Variants in CYSLTR2 observed in about 807,000 individuals in gnomAD.
CYSLTR2 encodes cysteinyl leukotriene receptor 2.
For missense variants in CYSLTR2, 398 were observed against 411.9 expected (o/e 0.97, Z 0.29); for synonymous variants, 179 against 160.8 (o/e 1.11, Z -0.86).
At chr13:48,664,030 C>T (rs886378867) in intron 1 of CYSLTR2, among the ~76,000 whole-genome samples, 22 of 152,110 alleles carry the variant, frequency 1.4e-4, no homozygotes, top group Non-Finnish European at 2.9e-4. Flanking sequence ...AAGTTTCTAT[C>T]ATGAAGTGAG....
At chr13:48,701,957 C>A (rs577587596) in intron 4 of CYSLTR2, among the ~76,000 whole-genome samples, 3 of 152,082 alleles carry the variant, frequency 2.0e-5, no homozygotes, top group African/African-American at 7.2e-5. Context: ...GAGACACATG[C>A]ACACGTATGT....
chr13:48,659,548 G>C (rs1280069987), intron 1 of CYSLTR2, among the ~76,000 whole-genome samples: 1 of 152,164 alleles, frequency 6.6e-6, no homozygotes, highest in Non-Finnish European at 1.5e-5. Context: ...TGCTGTCTAG[G>C]GGAAATGAGA....
At chr13:48,669,720 A>G (rs992859470) in intron 1 of CYSLTR2, among the ~76,000 whole-genome samples, 1 of 152,146 alleles carries the variant, frequency 6.6e-6, no homozygotes, top group Non-Finnish European at 1.5e-5. Flanking sequence ...GCTATTGTGA[A>G]TAAGCTGCAA....
intron 1 of CYSLTR2, among the ~76,000 whole-genome samples, chr13:48,664,517 A>C (rs1436889321): frequency 6.6e-6 from 1 of 151,846 alleles, no homozygotes; most frequent in Non-Finnish European, 1.5e-5. Context: ...TTTTTGGCTT[A>C]TCCAGGTTCT....
chr13:48,693,103 T>C (rs1201031491), intron 2 of CYSLTR2, among the ~76,000 whole-genome samples: 2 of 151,632 alleles, frequency 1.3e-5, no homozygotes, highest in African/African-American at 2.4e-5. Flanking sequence ...TTTAGTTTAA[T>C]ACAATTTTAT....
chr13:48,709,766 G>A lies in CYSLTR2; in HGVS notation c.*1908G>A, dbSNP rs1204852038. Reference sequence around the variant, plus strand: ...AATAAGAGATTAAACCAAGATAGAGGAAAACACAGTAGCTGGGAAACAAGG... The same window carrying A: ...AATAAGAGATTAAACCAAGATAGAGAAAAACACAGTAGCTGGGAAACAAGG... On this transcript the variant is annotated 3_prime_UTR_variant, in exon 5 of 5. Transcript: ENST00000682523. 1.3e-5 allele frequency: 2 copies of A among 152,164 alleles called. No homozygotes were observed. The highest frequency in any genetic ancestry group is 2.9e-5 in the Non-Finnish European group (2 of 68,022). The allele number at this position is 152,164 out of a possible 1,614,324, so 9.4% of individuals were successfully genotyped here. A position where few individuals can be genotyped will look rare whatever the true frequency, so the allele number is the denominator to read the frequency against.
chr13:48,703,302 T>C (rs2138994189), intron 4 of CYSLTR2, among the ~76,000 whole-genome samples: 1 of 152,312 alleles, frequency 6.6e-6, no homozygotes, highest in Non-Finnish European at 1.5e-5. Flanking sequence ...ATGATATTTA[T>C]TTCCTTTTTG....
chr13:48,707,740 C>T lies in CYSLTR2; in HGVS notation c.923C>T (p.Ala308Val), dbSNP rs751133878. ...ACFNPLLYYF[A>V]GENFKDRLKS... ...TTCAATCCTCTGCTCTATTACTTTG[C>T]TGGGGAGAATTTTAAGGACAGACTA... The change falls in exon 5 of 5, where the codon GCT becomes GTT. Residue 308 changes from alanine (A) to valine (V), a missense_variant. Coordinates refer to ENST00000682523, the MANE Select transcript of CYSLTR2 (RefSeq NM_001308476.3). 8.1e-6 allele frequency: 13 copies of T among 1,607,674 alleles called. No homozygotes were observed. The African/African-American group carries it at 1.6e-4, about 20-fold the overall frequency.
intron 1 of CYSLTR2, among the ~76,000 whole-genome samples, chr13:48,675,576 G>C (rs1276982615): frequency 6.8e-6 from 1 of 147,970 alleles, no homozygotes; most frequent in Non-Finnish European, 1.5e-5. Context: ...TAGCTTGCTG[G>C]GCTTTGTGGG....
At chr13:48,701,218 C>T (rs561118223) in intron 4 of CYSLTR2, among the ~76,000 whole-genome samples, 2 of 152,286 alleles carry the variant, frequency 1.3e-5, no homozygotes, top group African/African-American at 4.8e-5. Flanking sequence ...CATCATGCTA[C>T]CTGACTTCAA....
At chr13:48,654,394 C>T (rs1952953251) in intron 1 of CYSLTR2, among the ~76,000 whole-genome samples, 1 of 151,752 alleles carries the variant, frequency 6.6e-6, no homozygotes, top group Non-Finnish European at 1.5e-5. Context: ...TTCATTTCCT[C>T]CATATCAGTC....
intron 1 of CYSLTR2, among the ~76,000 whole-genome samples, chr13:48,677,862 G>T (rs928773458): frequency 6.8e-6 from 1 of 146,776 alleles, no homozygotes; most frequent in Non-Finnish European, 1.5e-5. Flanking sequence ...TGAATCGCCT[G>T]GTACTATTTT....
chr13:48,670,223 A>G (rs1953386750), intron 1 of CYSLTR2, among the ~76,000 whole-genome samples: 1 of 152,128 alleles, frequency 6.6e-6, no homozygotes, highest in African/African-American at 2.4e-5. Flanking sequence ...CCCATTCTGT[A>G]GGTTGCCTGT....
At chr13:48,688,895 T>G (rs879532131) in intron 1 of CYSLTR2, among the ~76,000 whole-genome samples, 4 of 152,216 alleles carry the variant, frequency 2.6e-5, no homozygotes, top group Non-Finnish European at 5.9e-5. Flanking sequence ...GCATTCCTAT[T>G]TCTCCACATC....
intron 1 of CYSLTR2, among the ~76,000 whole-genome samples, chr13:48,680,426 A>G (rs758653696): frequency 2.6e-5 from 4 of 152,164 alleles, no homozygotes; most frequent in Non-Finnish European, 5.9e-5. Flanking sequence ...GACGTAAGCT[A>G]TTCACCCTCA....
In CYSLTR2 at chr13:48,707,423, C is replaced by A. The variant is rs768344003; in HGVS notation, c.606C>A (p.Asn202Lys). 6.2e-7 allele frequency: 1 copy of A among 1,614,116 alleles called. No individual in the cohort carries two copies. The highest frequency in any genetic ancestry group is 1.1e-5 in the South Asian group (1 of 91,086). Residue 202 changes from asparagine (N) to lysine (K), a missense_variant, in exon 5 of 5, where the codon AAC (asparagine) becomes AAA (lysine). Coordinates refer to ENST00000682523, the MANE Select transcript of CYSLTR2 (RefSeq NM_001308476.3). ...AAATTGCTAAGCTGCAGACCATGAA[C>A]TATATTGCCTTGGTGGTGGGCTGCC... ...LYKIAKLQTM[N>K]YIALVVGCLL...
intron 1 of CYSLTR2, among the ~76,000 whole-genome samples, chr13:48,671,386 C>G (rs573520620): frequency 6.6e-6 from 1 of 152,238 alleles, no homozygotes; most frequent in South Asian, 2.1e-4. Context: ...CAGCTTTTGC[C>G]CATTCAGTAT....
intron 4 of CYSLTR2, among the ~76,000 whole-genome samples, chr13:48,700,160 T>C (rs982219410): frequency 1.5e-4 from 23 of 152,256 alleles, no homozygotes; most frequent in Admixed American, 3.3e-4. Flanking sequence ...TCCTCCCTAA[T>C]TCATTTTATG....
chr13:48,682,568 A>G (rs7335086), intron 1 of CYSLTR2, among the ~76,000 whole-genome samples: 4,521 of 152,232 alleles, frequency 0.03, 240 homozygotes, highest in African/African-American at 0.1. Context: ...GCCATTATCC[A>G]TGTAATCAGA....
Sources: allele counts gnomAD v4.1 joint callset (sites outside exome capture counted in the v4.1 genomes callset), GRCh38; gene constraint gnomAD v4.1.1; transcripts MANE v1.5; gene names NCBI Gene and HGNC (gene_info 2026-07-23, HGNC 2026-07-21).